Variants in ADAM17 observed in about 807,000 individuals in gnomAD.
ADAM17 encodes ADAM metallopeptidase domain 17.
Under a neutral mutation model 96.7 loss-of-function variants are expected in ADAM17, and 39 were observed. That is an observed-to-expected ratio of 0.40 (90% CI 0.31 to 0.53). The LOEUF (loss-of-function observed/expected upper bound fraction) is 0.53, where lower values mean the gene tolerates loss of function less well. ADAM17 is among the 20% of genes least tolerant of loss of function. The pLI is 0.44. For missense variants in ADAM17, 777 were observed against 1,013.2 expected (o/e 0.77, Z 3.17); for synonymous variants, 344 against 359.2 (o/e 0.96, Z 0.48).
At chr2:9,520,701 C>A (rs958256054) in intron 8 of ADAM17, among the ~76,000 whole-genome samples, 8 of 152,032 alleles carry the variant, frequency 5.3e-5, no homozygotes, top group African/African-American at 1.9e-4. Context: ...TGGTGGCTCA[C>A]ACTTGTAATC....
At chr2:9,490,547 T>A (rs751833334) in intron 18 of ADAM17, 29 bp from the exon 19 acceptor site, 2 of 1,589,146 alleles carry the variant, frequency 1.3e-6, no homozygotes, top group South Asian at 2.3e-5. Flanking sequence ...AATTGATTGA[T>A]AGGAATAAAA....
intron 6 of ADAM17, among the ~76,000 whole-genome samples, chr2:9,524,994 ATATT>A (rs1664458760): frequency 6.6e-6 from 1 of 152,212 alleles, no homozygotes; most frequent in Non-Finnish European, 1.5e-5. Context: ...CATTATATTC[ATATT>A]TATAGTGCAA....
At chr2:9,545,718 G>A (rs1335305491) in intron 1 of ADAM17, among the ~76,000 whole-genome samples, 2 of 152,194 alleles carry the variant, frequency 1.3e-5, no homozygotes, top group Non-Finnish European at 2.9e-5. Context: ...ATTAGTAACT[G>A]TGAAATGGTT....
chr2:9,544,757 C>T (rs776168597), intron 1 of ADAM17, among the ~76,000 whole-genome samples: 130 of 151,250 alleles, frequency 8.6e-4, no homozygotes, highest in Non-Finnish European at 1.6e-3. Flanking sequence ...ACCTGGGAGG[C>T]GGAAGTTGCA....
At chr2:9,522,166 G>T (rs950125030) in intron 7 of ADAM17, 2 of 357,072 alleles carry the variant, frequency 5.6e-6, no homozygotes. Context: ...AATAAAACAA[G>T]TGAAGCAGCT....
intron 17 of ADAM17, among the ~76,000 whole-genome samples, chr2:9,491,625 A>G (rs1255548963): frequency 6.6e-6 from 1 of 152,206 alleles, no homozygotes; most frequent in Non-Finnish European, 1.5e-5. Context: ...TCTGTGGACC[A>G]TGCTCTGCTG....
At chr2:9,548,825 A>G (rs1665495256) in intron 1 of ADAM17, among the ~76,000 whole-genome samples, 1 of 152,190 alleles carries the variant, frequency 6.6e-6, no homozygotes, top group Non-Finnish European at 1.5e-5. Flanking sequence ...TAAAGGTTTC[A>G]AAGAAGAATA....
At chr2:9,522,885 T>C (rs1482361161) in intron 7 of ADAM17, among the ~76,000 whole-genome samples, 1 of 152,188 alleles carries the variant, frequency 6.6e-6, no homozygotes, top group African/African-American at 2.4e-5. Context: ...GTACACAGTA[T>C]TTTTTAGTAA....
At chr2:9,549,605 G>A (rs1665520598) in intron 1 of ADAM17, among the ~76,000 whole-genome samples, 2 of 152,052 alleles carry the variant, frequency 1.3e-5, no homozygotes, top group African/African-American at 2.4e-5. Context: ...ACCACTCACT[G>A]CAGCCTCAAC....
At chr2:9,549,948 G>A (rs6712857) in intron 1 of ADAM17, among the ~76,000 whole-genome samples, 10,220 of 152,168 alleles carry the variant, frequency 0.067, 1,204 homozygotes, top group African/African-American at 0.23. Flanking sequence ...CATGAAGTAC[G>A]AAAAGTTCCC....
intron 1 of ADAM17, among the ~76,000 whole-genome samples, chr2:9,554,002 G>A (rs1420500123): frequency 1.3e-5 from 2 of 152,130 alleles, no homozygotes; most frequent in African/African-American, 4.8e-5. Context: ...GGCGGAGGTT[G>A]CAGTGAGCTG....
intron 11 of ADAM17, among the ~76,000 whole-genome samples, chr2:9,508,065 G>A (rs1287352325): frequency 1.3e-5 from 2 of 152,196 alleles, no homozygotes; most frequent in Admixed American, 1.3e-4. Context: ...AGCAGGAAGA[G>A]TCAGCAGCAT....
Position 9,523,415 on chromosome 2 carries a change from G to A in ADAM17, c.754-77C>T, listed in dbSNP as rs1664390385. ...TGGCAATGCAATATAAAATCTATGG[G>A]GAAAGAAAAAATCTCAGTTTAGAGG... On this transcript the variant is annotated intron_variant, in intron 6 of 18. Coordinates refer to ENST00000310823, the MANE Select transcript of ADAM17 (RefSeq NM_003183.6). 10 of 1,290,986 alleles carry A rather than the reference G, an allele frequency of 7.7e-6. No homozygotes were observed. The East Asian group carries it at 2.1e-4, about 27-fold the overall frequency. The allele number at this position is 1,290,986 out of a possible 1,614,324, so 80.0% of individuals were successfully genotyped here.
chr2:9,544,876 C>T (rs1026187423), intron 1 of ADAM17, among the ~76,000 whole-genome samples: 3 of 152,154 alleles, frequency 2.0e-5, no homozygotes, highest in African/African-American at 7.2e-5. Context: ...ATTACAACAT[C>T]CTTGCCTCAC....
intron 12 of ADAM17, among the ~76,000 whole-genome samples, chr2:9,504,509 G>A (rs536344155): frequency 7.9e-5 from 12 of 151,980 alleles, no homozygotes; most frequent in African/African-American, 2.9e-4. Context: ...CCTCACACCT[G>A]TAATCCCAGC....
At chr2:9,535,795 G>T in intron 4 of ADAM17, 39 bp downstream of exon 4, 1 of 1,322,390 alleles carries the variant, frequency 7.6e-7, no homozygotes, top group Non-Finnish European at 1.1e-6. Flanking sequence ...GAAAATCAGA[G>T]ATATAAGCTA....
intron 10 of ADAM17, among the ~76,000 whole-genome samples, chr2:9,513,148 C>CCA (rs1477301136): frequency 6.6e-6 from 1 of 152,154 alleles, no homozygotes; most frequent in African/African-American, 2.4e-5. Flanking sequence ...GCATGCACCA[C>CCA]CACACCTGGC....
chr2:9,515,806 T>G (rs1664029763), intron 10 of ADAM17, among the ~76,000 whole-genome samples: 1 of 152,094 alleles, frequency 6.6e-6, no homozygotes, highest in African/African-American at 2.4e-5. Flanking sequence ...GCTGTTCCAT[T>G]TTTGCATTCC....
At chr2:9,523,126 T>C (rs561590791) in intron 7 of ADAM17, 123 bp downstream of exon 7, 12 of 660,164 alleles carry the variant, frequency 1.8e-5, no homozygotes, top group African/African-American at 3.7e-5. Context: ...TAAAAAATCA[T>C]TGGCATCTGA....
Sources: gnomAD v4.1 joint callset for allele counts (sites outside exome capture counted in the v4.1 genomes callset) on GRCh38, gnomAD v4.1.1 for gene constraint, MANE v1.5 for transcripts, NCBI Gene and HGNC (gene_info 2026-07-23, HGNC 2026-07-21) for gene names.